The following XPR1 variants were observed in gnomAD, a reference collection of about 807,000 sequenced individuals.
The protein encoded by XPR1 is xenotropic and polytropic retrovirus receptor 1.
XPR1 carries 28 observed loss-of-function variants against 87.5 expected under a neutral mutation model. The ratio of observed to expected loss-of-function variants is 0.32; its 90% CI spans 0.24 to 0.44. The LOEUF is 0.44. Ranked by LOEUF, XPR1 falls within the 20% of genes least tolerant of loss-of-function variation. The probability of loss-of-function intolerance (pLI) is 1.00; values close to 1 mark genes in which losing one functional copy is unlikely to be tolerated. For missense variants in XPR1, 559 were observed against 862.3 expected, an observed-to-expected ratio of 0.65 and a Z score of 4.41; for synonymous variants, 300 against 306.1, an observed-to-expected ratio of 0.98 and a Z score of 0.21.
At chr1:180,853,366 T>C (rs890664168) in intron 11 of XPR1, among the ~76,000 whole-genome samples, 8 of 152,218 alleles carry the variant, frequency 5.3e-5, no homozygotes, top group Non-Finnish European at 1.0e-4. Flanking sequence ...ATTTCAGTTA[T>C]TGTATTTTTG....
chr1:180,853,116 C>T (rs914389505), intron 11 of XPR1, among the ~76,000 whole-genome samples: 6 of 152,022 alleles, frequency 3.9e-5, no homozygotes, highest in East Asian at 1.9e-4. Flanking sequence ...TTAGGAGAGA[C>T]GGGTATTCGC....
At chr1:180,720,797 T>G (rs906439290) in intron 2 of XPR1, among the ~76,000 whole-genome samples, 1 of 152,204 alleles carries the variant, frequency 6.6e-6, no homozygotes, top group East Asian at 1.9e-4. Context: ...CCTTTTGTTG[T>G]ACCAGCCAAT....
intron 2 of XPR1, among the ~76,000 whole-genome samples, chr1:180,687,220 G>A (rs1656812475): frequency 3.3e-5 from 5 of 152,032 alleles, no homozygotes; most frequent in Admixed American, 3.3e-4. Flanking sequence ...TATTGAAAAT[G>A]ATGATGATAT....
At chr1:180,851,668 G>A (rs1159089256) in intron 11 of XPR1, among the ~76,000 whole-genome samples, 6 of 152,092 alleles carry the variant, frequency 3.9e-5, no homozygotes, top group Admixed American at 3.9e-4. Flanking sequence ...AACAGAAAGG[G>A]ATTTTTAAAA....
chr1:180,767,839 T>C (rs764400031), intron 2 of XPR1, among the ~76,000 whole-genome samples: 3 of 152,118 alleles, frequency 2.0e-5, no homozygotes, highest in Non-Finnish European at 4.4e-5. Context: ...ATTACTCTTA[T>C]CACAAGAAAC....
intron 2 of XPR1, among the ~76,000 whole-genome samples, chr1:180,738,510 A>G (rs1658804279): frequency 6.6e-6 from 1 of 152,352 alleles, no homozygotes; most frequent in East Asian, 1.9e-4. Context: ...ATTGAGGTCT[A>G]ATTCACCTAA....
chr1:180,653,854 C>G (rs571886016), intron 1 of XPR1, among the ~76,000 whole-genome samples: 1 of 152,136 alleles, frequency 6.6e-6, no homozygotes, highest in African/African-American at 2.4e-5. Context: ...GGTGGGTATC[C>G]TATATAGCGT....
chr1:180,859,491 T>G (rs903282862), intron 11 of XPR1, among the ~76,000 whole-genome samples: 25 of 152,152 alleles, frequency 1.6e-4, no homozygotes, highest in African/African-American at 6.0e-4. Context: ...ATGTAATTGC[T>G]TGCCTAAAGT....
chr1:180,632,142 C>G lies in XPR1; in HGVS notation c.-60C>G. The G allele has an allele frequency of 6.4e-7, 1 of 1,562,348 alleles. No homozygotes were observed. The highest frequency in any genetic ancestry group is 8.7e-7 in the Non-Finnish European group (1 of 1,152,428). On this transcript the variant is annotated 5_prime_UTR_variant, in exon 1 of 15. Coordinates refer to ENST00000367590, the MANE Select transcript of XPR1 (RefSeq NM_004736.4). ...CCCATGTGGGGAGGAGTCGGAGTCG[C>G]TGTTGCCGCCGCCGCCTGTAGCTGC...
At chr1:180,867,394 T>C (rs1370932205) in intron 12 of XPR1, among the ~76,000 whole-genome samples, 1 of 34,366 alleles carries the variant, frequency 2.9e-5, no homozygotes, top group East Asian at 5.9e-4. Flanking sequence ...CCACACTGAC[T>C]TCCACAATGG....
intron 2 of XPR1, among the ~76,000 whole-genome samples, chr1:180,776,302 T>G (rs1489128165): frequency 6.6e-6 from 1 of 152,156 alleles, no homozygotes; most frequent in East Asian, 1.9e-4. Flanking sequence ...ACAATATTTC[T>G]TAACATTTAT....
chr1:180,853,626 G>GAGACACACACACAC (rs143903203), intron 11 of XPR1, among the ~76,000 whole-genome samples: 2 of 140,232 alleles, frequency 1.4e-5, no homozygotes, highest in Admixed American at 1.4e-4. Context: ...TTAGACTATA[G>GAGACACACACACAC]ACACACACAC....
intron 2 of XPR1, among the ~76,000 whole-genome samples, chr1:180,754,784 T>A (rs956893625): frequency 1.3e-5 from 2 of 152,132 alleles, no homozygotes; most frequent in East Asian, 3.9e-4. Flanking sequence ...TTTTAAAATA[T>A]GTGGTGAGAG....
chr1:180,880,616 A>G (rs763889284), intron 14 of XPR1, among the ~76,000 whole-genome samples: 14 of 152,222 alleles, frequency 9.2e-5, no homozygotes, highest in Non-Finnish European at 1.6e-4. Context: ...AATAATTTTT[A>G]TGTTATAAAC....
intron 2 of XPR1, among the ~76,000 whole-genome samples, chr1:180,780,869 C>A (rs962403862): frequency 6.6e-6 from 1 of 151,558 alleles, no homozygotes; most frequent in Non-Finnish European, 1.5e-5. Flanking sequence ...ATGTTTTCTC[C>A]CATTGTGTTT....
chr1:180,639,955 T>G (rs1051299813), intron 1 of XPR1, among the ~76,000 whole-genome samples: 2 of 152,188 alleles, frequency 1.3e-5, no homozygotes, highest in Non-Finnish European at 2.9e-5. Flanking sequence ...TCTACTCTCC[T>G]TTCTTTAAAT....
chr1:180,714,954 CA>C lies in XPR1; in HGVS notation c.121+32545del, dbSNP rs536248899. Reference sequence around the variant, plus strand: ...GCTGATATTCTGGAATGTTAGAATCCAAGAAGCTAAGATGGTAGCCTAAATA... The same window carrying C: ...GCTGATATTCTGGAATGTTAGAATCCAGAAGCTAAGATGGTAGCCTAAATA... On this transcript the variant is annotated intron_variant, in intron 2 of 14. Coordinates refer to ENST00000367590, the MANE Select transcript of XPR1 (RefSeq NM_004736.4). Among the ~76,000 whole-genome samples, 216 of 152,096 alleles carry C rather than the reference CA, an allele frequency of 1.4e-3. 1 individual carries two copies. The highest frequency in any genetic ancestry group is 3.5e-4 in the Non-Finnish European group (24 of 68,006).
At chr1:180,714,364 T>A (rs182712682) in intron 2 of XPR1, among the ~76,000 whole-genome samples, 1 of 127,866 alleles carries the variant, frequency 7.8e-6, no homozygotes, top group Non-Finnish European at 1.6e-5. Context: ...TCTCTCTCTC[T>A]CTCTCTCTCT....
intron 8 of XPR1, 49 bp from the exon 9 acceptor site, chr1:180,825,115 TA>T: frequency 6.5e-7 from 1 of 1,544,056 alleles, no homozygotes; most frequent in Non-Finnish European, 8.7e-7. Flanking sequence ...ATGGTAAAAG[TA>T]AAAATAACAA....
Sources: gnomAD v4.1 joint callset for allele counts (sites outside exome capture counted in the v4.1 genomes callset) on GRCh38, gnomAD v4.1.1 for gene constraint, MANE v1.5 for transcripts, NCBI Gene and HGNC (gene_info 2026-07-23, HGNC 2026-07-21) for gene names.